RBFOX1: variants seen among roughly 807,000 people sequenced by gnomAD.
RBFOX1 encodes the protein RNA binding protein fox-1 homolog 1.
A neutral mutation model predicts 57.7 loss-of-function variants in RBFOX1; 8 were observed. That is an observed-to-expected ratio of 0.14 (90% CI 0.08 to 0.25). RBFOX1 has a LOEUF of 0.25. Among genes scored for constraint, RBFOX1 ranks in the 10% least tolerant of loss-of-function variants. The probability of loss-of-function intolerance (pLI) is 1.00; values close to 1 mark genes in which losing one functional copy is unlikely to be tolerated. For synonymous variants in RBFOX1, 326 were observed against 222.4 expected, an observed-to-expected ratio of 1.47 and a Z score of -4.15; for missense variants, 611 against 548.5, an observed-to-expected ratio of 1.11 and a Z score of -1.14.
chr16:5,640,013 G>A (rs1465790286), intron 3 of RBFOX1, among the ~76,000 whole-genome samples: 2 of 152,120 alleles, frequency 1.3e-5, no homozygotes, highest in Non-Finnish European at 2.9e-5. Flanking sequence ...GATTTTCCCC[G>A]TGGTGCTGGG....
At chr16:5,752,016 G>A (rs2053226062) in intron 3 of RBFOX1, among the ~76,000 whole-genome samples, 1 of 152,130 alleles carries the variant, frequency 6.6e-6, no homozygotes, top group African/African-American at 2.4e-5. Context: ...AAGACATGGA[G>A]TAAATCTAAA....
intron 4 of RBFOX1, among the ~76,000 whole-genome samples, chr16:7,179,661 G>A (rs758001723): frequency 6.6e-6 from 1 of 152,012 alleles, no homozygotes; most frequent in Non-Finnish European, 1.5e-5. Context: ...GCAACACAAT[G>A]AATTTATTTG....
chr16:6,370,995 G>A (rs2090354924), intron 2 of RBFOX1, among the ~76,000 whole-genome samples: 1 of 152,044 alleles, frequency 6.6e-6, no homozygotes, highest in Admixed American at 6.5e-5. Context: ...TCCCAGTTGG[G>A]GTGTGCATTT....
chr16:7,425,052 C>T (rs575489380), intron 4 of RBFOX1, among the ~76,000 whole-genome samples: 8 of 152,196 alleles, frequency 5.3e-5, no homozygotes, highest in African/African-American at 1.9e-4. Context: ...TTGTAAATCT[C>T]AGTGTGTTGT....
At chr16:5,798,319 T>C (rs1438377059) in intron 3 of RBFOX1, among the ~76,000 whole-genome samples, 1 of 152,206 alleles carries the variant, frequency 6.6e-6, no homozygotes, top group Non-Finnish European at 1.5e-5. Context: ...CAGCTGATCT[T>C]CCAAGCAGTG....
intron 4 of RBFOX1, among the ~76,000 whole-genome samples, chr16:7,269,385 C>T (rs762915523): frequency 7.2e-5 from 11 of 152,170 alleles, no homozygotes; most frequent in Non-Finnish European, 1.5e-4. Flanking sequence ...GCTCATCACC[C>T]CCAAATAATC....
At chr16:5,529,389 C>CT (rs56820577) in intron 2 of RBFOX1, among the ~76,000 whole-genome samples, 454 of 130,928 alleles carry the variant, frequency 3.5e-3, no homozygotes, top group Admixed American at 5.9e-3. Flanking sequence ...TGGCCAGTGT[C>CT]TTTTTTTTTT....
intron 3 of RBFOX1, among the ~76,000 whole-genome samples, chr16:5,693,933 A>G (rs1455167271): frequency 6.6e-6 from 1 of 152,152 alleles, no homozygotes; most frequent in Non-Finnish European, 1.5e-5. Context: ...CACAGGTGGC[A>G]ATGGCCTTGT....
intron 3 of RBFOX1, among the ~76,000 whole-genome samples, chr16:6,812,031 G>C (rs199906418): frequency 1.3e-5 from 2 of 152,180 alleles, no homozygotes; most frequent in Non-Finnish European, 2.9e-5. Flanking sequence ...AAATAGTGCA[G>C]TACAAGAGTG....
At chr16:6,460,160 T>G (rs1325287373) in intron 2 of RBFOX1, among the ~76,000 whole-genome samples, 1 of 152,134 alleles carries the variant, frequency 6.6e-6, no homozygotes, top group Non-Finnish European at 1.5e-5. Context: ...CTCATAGTTC[T>G]GGAGGCTGGA....
At chr16:7,705,246 C>T (rs1222446729) in intron 14 of RBFOX1, among the ~76,000 whole-genome samples, 4 of 150,022 alleles carry the variant, frequency 2.7e-5, no homozygotes, top group Admixed American at 6.6e-5. Flanking sequence ...GTGGCTCATG[C>T]GTGTAATCCC....
intron 4 of RBFOX1, among the ~76,000 whole-genome samples, chr16:5,905,284 C>G (rs1207361175): frequency 6.6e-6 from 1 of 151,710 alleles, no homozygotes; most frequent in Non-Finnish European, 1.5e-5. Flanking sequence ...AACTCCGGAC[C>G]TCAGGTAATC....
chr16:6,031,931 G>A (rs1377396103), intron 1 of RBFOX1, among the ~76,000 whole-genome samples: 1 of 152,156 alleles, frequency 6.6e-6, no homozygotes, highest in African/African-American at 2.4e-5. Flanking sequence ...ACAGTCTCAC[G>A]AGAAAGGGGA....
intron 1 of RBFOX1, among the ~76,000 whole-genome samples, chr16:6,162,115 A>G (rs2096883899): frequency 6.6e-6 from 1 of 152,132 alleles, no homozygotes. Flanking sequence ...GGATTTCTGT[A>G]TTTTTAATTG....
intron 1 of RBFOX1, among the ~76,000 whole-genome samples, chr16:5,402,859 A>G (rs560325121): frequency 4.6e-5 from 7 of 152,298 alleles, no homozygotes; most frequent in African/African-American, 9.6e-5. Context: ...ATATAGATAT[A>G]TTAAGTGCCA....
At chr16:7,274,019 A>G (rs2095392443) in intron 4 of RBFOX1, among the ~76,000 whole-genome samples, 2 of 152,216 alleles carry the variant, frequency 1.3e-5, no homozygotes, top group African/African-American at 4.8e-5. Flanking sequence ...CCACTAAGTA[A>G]AATACAACAC....
At chr16:6,810,726 C>A (rs1241489821) in intron 3 of RBFOX1, among the ~76,000 whole-genome samples, 1 of 152,068 alleles carries the variant, frequency 6.6e-6, no homozygotes. Flanking sequence ...AAGCAAATAC[C>A]TTCTTCACAG....
At chr16:7,022,647 C>A (rs1012038204) in intron 3 of RBFOX1, among the ~76,000 whole-genome samples, 2 of 151,914 alleles carry the variant, frequency 1.3e-5, no homozygotes, top group African/African-American at 2.4e-5. Context: ...TATATTAGGC[C>A]CATCCCCGTA....
intron 4 of RBFOX1, among the ~76,000 whole-genome samples, chr16:7,478,449 G>A (rs886774706): frequency 6.6e-6 from 1 of 152,208 alleles, no homozygotes; most frequent in African/African-American, 2.4e-5. Flanking sequence ...CTGAGCTGCT[G>A]AAGAGAAAGT....
Sources: gnomAD v4.1 joint callset for allele counts (sites outside exome capture counted in the v4.1 genomes callset) on GRCh38, gnomAD v4.1.1 for gene constraint, MANE v1.5 for transcripts, NCBI Gene and HGNC (gene_info 2026-07-23, HGNC 2026-07-21) for gene names.